UTP20: variants seen among roughly 807,000 people sequenced by gnomAD.
UTP20 encodes small subunit processome component 20 homolog.
A neutral mutation model predicts 329.5 loss-of-function variants in UTP20; 164 were observed. The observed-to-expected ratio is 0.50, with a 90% CI of 0.44 to 0.57. UTP20 has a LOEUF of 0.57. UTP20 is among the 20% of genes least tolerant of loss of function. The pLI, the probability that UTP20 is intolerant of heterozygous loss-of-function variation, is 0.00. For missense variants in UTP20, 3,055 were observed against 3,284.2 expected, an observed-to-expected ratio of 0.93 and a Z score of 1.71; for synonymous variants, 1,151 against 1,159.3, an observed-to-expected ratio of 0.99 and a Z score of 0.14.
intron 17 of UTP20, among the ~76,000 whole-genome samples, chr12:101,307,177 C>CA (rs1157893344): frequency 0.027 from 1,934 of 71,556 alleles, 30 homozygotes; most frequent in East Asian, 0.13. Flanking sequence ...GACTCCGTCT[C>CA]AAAAAAAAAA....
At chr12:101,305,290 T>C (rs1702243531) in intron 15 of UTP20, among the ~76,000 whole-genome samples, 1 of 152,060 alleles carries the variant, frequency 6.6e-6, no homozygotes, top group East Asian at 1.9e-4. Flanking sequence ...CTTTGTCTTT[T>C]GTTAACTGCT....
chr12:101,319,774 T>C, intron 23 of UTP20, 139 bp downstream of exon 23: 1 of 643,978 alleles, frequency 1.6e-6, no homozygotes, highest in Non-Finnish European at 2.5e-6. Flanking sequence ...CTTTTTTTTT[T>C]TAATTAATAG....
At chr12:101,345,775 G>A (rs1274261846) in intron 37 of UTP20, 81 bp downstream of exon 37, 3 of 1,322,018 alleles carry the variant, frequency 2.3e-6, no homozygotes, top group Admixed American at 2.6e-5. Flanking sequence ...GGAAAGACAT[G>A]TTTTAACTTT....
intron 48 of UTP20, among the ~76,000 whole-genome samples, chr12:101,369,330 A>G (rs908935315): frequency 2.0e-5 from 3 of 152,220 alleles, no homozygotes; most frequent in Non-Finnish European, 2.9e-5. Context: ...AGTAGGTTAA[A>G]AATATGGCTG....
intron 46 of UTP20, among the ~76,000 whole-genome samples, chr12:101,365,839 C>T (rs1245711374): frequency 6.6e-6 from 1 of 152,016 alleles, no homozygotes; most frequent in Non-Finnish European, 1.5e-5. Flanking sequence ...TCTCTGATAC[C>T]ATTTTTTAAA....
intron 38 of UTP20, among the ~76,000 whole-genome samples, chr12:101,350,701 G>C (rs1282684950): frequency 1.3e-5 from 2 of 152,160 alleles, no homozygotes; most frequent in Non-Finnish European, 2.9e-5. Context: ...AATGCCCTGT[G>C]TAGCATGAGG....
At position 101,344,623 on chromosome 12, in the gene UTP20, C is replaced by A; in HGVS notation, c.4478C>A (p.Ala1493Asp). ...GGAGATATGAGTTTAAGTGATAATGCCAGCATGTGCCTGATGAGTATCATC... is the reference window on the plus strand; with the variant it reads ...GGAGATATGAGTTTAAGTGATAATGACAGCATGTGCCTGATGAGTATCATC... ...ELGDMSLSDN[A>D]SMCLMSIIKK... The change falls in exon 36 of 62, where the codon GCC becomes GAC. Residue 1493 changes from alanine (A) to aspartate (D), a missense_variant. Ala to Asp is a moderately radical substitution (Grantham distance 126, BLOSUM62 -2). Around this residue, in one of 3 missense-constraint regions of UTP20, gnomAD observed 2,445 missense variants for 2,575.5 expected, o/e 0.95. Transcript: ENST00000261637. 2 of 1,146,618 alleles carry A rather than the reference C, an allele frequency of 1.7e-6. No individual in the cohort carries two copies. The highest frequency in any genetic ancestry group is 1.5e-5 in the African/African-American group (1 of 66,300). The allele number at this position is 1,146,618 out of a possible 1,614,324, so 71.0% of individuals were successfully genotyped here.
rs1872164674 is a variant in UTP20 at position 101,291,794 on chromosome 12, G to A, written c.944G>A (p.Ser315Asn). 1 of 1,612,430 alleles carries A rather than the reference G, an allele frequency of 6.2e-7. No homozygotes were observed. Among genetic ancestry groups the A allele is most frequent in the African/African-American group, 1.3e-5 (1 of 74,854 alleles). ...TKVTKTNCCE[S>N]SEQIKRLLET... ...GTAACAAAAACTAACTGTTGTGAAA[G>A]TTCTGAACAGATTAAAAGGTTGTTG... Residue 315 changes from serine to asparagine, a missense_variant, in exon 9 of 62, where the codon AGT becomes AAT. Around this residue, in one of 3 missense-constraint regions of UTP20, gnomAD observed 2,445 missense variants for 2,575.5 expected, o/e 0.95. Coordinates refer to ENST00000261637, the MANE Select transcript of UTP20 (RefSeq NM_014503.3).
rs565500676 is a variant in UTP20 at position 101,295,779 on chromosome 12, G to A, written c.1430+121G>A. The A allele has an allele frequency of 1.4e-5, 16 of 1,170,530 alleles. No homozygotes were observed. In the African/African-American group the frequency reaches 2.0e-4, roughly 15 times the overall value. The allele number at this position is 1,170,530 out of a possible 1,614,324, so 72.5% of individuals were successfully genotyped here. ...AGGAAAGATGTCCATGATAAGTTGT[G>A]TGAAAAAAGCAAGTTGTAGAGCTAC... On this transcript the variant is annotated intron_variant, in intron 12 of 61. Transcript: ENST00000261637.
intron 27 of UTP20, among the ~76,000 whole-genome samples, chr12:101,330,190 G>A (rs959339432): frequency 1.3e-5 from 2 of 152,078 alleles, no homozygotes; most frequent in Non-Finnish European, 2.9e-5. Context: ...GCATTTACTA[G>A]GATGGTGAGG....
In UTP20 at chr12:101,280,160, T is replaced by G. The variant is rs1398074827; in HGVS notation, c.-123T>G. Reference sequence around the variant, plus strand: ...GGCGCCCAGGGGCTCAAGCCGCACGTGAGAAAGTCTGGGCATCTGGGAATC... The same window carrying G: ...GGCGCCCAGGGGCTCAAGCCGCACGGGAGAAAGTCTGGGCATCTGGGAATC... On this transcript the variant is annotated 5_prime_UTR_variant, in exon 1 of 62. It removes the in-frame stop codon of an upstream open reading frame in the 5' UTR. Transcript: ENST00000261637. 1 of 1,291,100 alleles carries G rather than the reference T, an allele frequency of 7.7e-7. No individual in the cohort carries two copies. Among genetic ancestry groups the G allele is most frequent in the Non-Finnish European group, 1.1e-6 (1 of 937,668 alleles). The allele number at this position is 1,291,100 out of a possible 1,614,324, so 80.0% of individuals were successfully genotyped here.
intron 15 of UTP20, among the ~76,000 whole-genome samples, chr12:101,304,803 T>C (rs1463913204): frequency 6.6e-6 from 1 of 152,190 alleles, no homozygotes; most frequent in Non-Finnish European, 1.5e-5. Context: ...CCCATCTCAC[T>C]CTATAAAATC....
chr12:101,334,607 C>T, intron 29 of UTP20, 103 bp downstream of exon 29: 4 of 884,392 alleles, frequency 4.5e-6, no homozygotes, highest in East Asian at 2.7e-5. Flanking sequence ...TCTTTCCATA[C>T]AGTGAACTAC....
chr12:101,338,148 G>T lies in UTP20; in HGVS notation c.3739G>T (p.Ala1247Ser). The change falls in exon 30 of 62, where the codon GCC (alanine) becomes TCC (serine). Residue 1247 changes from alanine (A) to serine (S), a missense_variant. Physicochemically the swap from Ala to Ser is moderately conservative, Grantham distance 99 (BLOSUM62 1). Transcript: ENST00000261637. Reference protein sequence around the residue: ...AILSAKNLSDATASIVMDIVD... With the variant: ...AILSAKNLSDSTASIVMDIVD... Reference sequence around the variant, plus strand: ...TCTCTCAGCGAAGAATCTTTCTGATGCCACAGCCAGTATTGTAATGGACAT... The same window carrying T: ...TCTCTCAGCGAAGAATCTTTCTGATTCCACAGCCAGTATTGTAATGGACAT... The T allele has an allele frequency of 6.2e-7, 1 of 1,614,154 alleles. No homozygotes were observed. The highest frequency in any genetic ancestry group is 1.1e-5 in the South Asian group (1 of 91,076).
intron 3 of UTP20, 52 bp downstream of exon 3, chr12:101,285,688 G>T (rs776221821): frequency 2.5e-6 from 4 of 1,613,358 alleles, no homozygotes; most frequent in Non-Finnish European, 3.4e-6. Flanking sequence ...CACTTTATAT[G>T]TTCCATACAG....
chr12:101,307,770 G>A (rs1276071909), intron 17 of UTP20, among the ~76,000 whole-genome samples: 1 of 152,152 alleles, frequency 6.6e-6, no homozygotes, highest in African/African-American at 2.4e-5. Flanking sequence ...GGTTAGGTAG[G>A]TTTTGCATTT....
chr12:101,290,106 T>C, intron 6 of UTP20, 31 bp from the exon 7 acceptor site: 1 of 1,460,082 alleles, frequency 6.8e-7, no homozygotes, highest in Non-Finnish European at 9.4e-7. Context: ...TGTTTGTGAA[T>C]ATAATTTTCC....
At chr12:101,356,498 G>T in intron 41 of UTP20, 56 bp from the exon 42 acceptor site, 2 of 1,440,558 alleles carry the variant, frequency 1.4e-6, no homozygotes, top group Non-Finnish European at 1.9e-6. Context: ...TTGCAGTGTT[G>T]GTAGATCACT....
At position 101,300,049 on chromosome 12, in the gene UTP20, A is replaced by G. The variant is rs1360515213; in HGVS notation, c.1663A>G (p.Ser555Gly). Residue 555 changes from serine (S) to glycine (G), a missense_variant, in exon 14 of 62, where the codon AGC (serine) becomes GGC (glycine). Physicochemically the swap from Ser to Gly is moderately conservative, Grantham distance 56 (BLOSUM62 0). Coordinates refer to ENST00000261637, the MANE Select transcript of UTP20 (RefSeq NM_014503.3). ...ACTCTTCATGACTGTTGACAAAGGA[A>G]GCTTTGGGAAAGGTCAGTTACAATC... ...EALFMTVDKG[S>G]FGKGNLFVLC... is the part of the protein sequence containing the mutation. 6.2e-7 allele frequency: 1 copy of G among 1,614,024 alleles called. No homozygotes were observed. Among genetic ancestry groups the G allele is most frequent in the African/African-American group, 1.3e-5 (1 of 74,944 alleles).
Sources: gnomAD v4.1 joint callset for allele counts (sites outside exome capture counted in the v4.1 genomes callset) on GRCh38, gnomAD v4.1.1 for gene constraint, gnomAD v4.1.1 regional missense constraint, MANE v1.5 for transcripts, NCBI Gene and HGNC (gene_info 2026-07-23, HGNC 2026-07-21) for gene names.